The following CLASP1 variants were observed in gnomAD, a reference collection of about 807,000 sequenced individuals.
CLASP1 encodes CLIP-associating protein 1.
CLASP1 carries 38 observed loss-of-function variants against 192.3 expected under a neutral mutation model. The ratio of observed to expected loss-of-function variants is 0.20; its 90% CI spans 0.15 to 0.26. The LOEUF (loss-of-function observed/expected upper bound fraction) is 0.26, where lower values mean the gene tolerates loss of function less well. Among genes scored for constraint, CLASP1 ranks in the 10% least tolerant of loss-of-function variants. The pLI is 1.00. For synonymous variants in CLASP1, 691 were observed against 712.8 expected, an observed-to-expected ratio of 0.97 and a Z score of 0.49; for missense variants, 1,433 against 1,932.5, an observed-to-expected ratio of 0.74 and a Z score of 4.85.
At chr2:121,644,170 A>T (rs1483988476) in intron 1 of CLASP1, among the ~76,000 whole-genome samples, 1 of 152,174 alleles carries the variant, frequency 6.6e-6, no homozygotes, top group South Asian at 2.1e-4. Flanking sequence ...AGATGAAGAC[A>T]CTAAAATATT....
chr2:121,639,863 CAAAA>C (rs34338582), intron 1 of CLASP1, among the ~76,000 whole-genome samples: 1 of 62,398 alleles, frequency 1.6e-5, no homozygotes, highest in African/African-American at 5.2e-5. Context: ...AACTCCATCT[CAAAA>C]AAAAAAAAAA....
rs1232420512 is a variant in CLASP1, at chr2:121,397,067, A to G, written c.3123+73T>C. The G allele has an allele frequency of 5.3e-6, 8 of 1,523,356 alleles. No homozygotes were observed. In the African/African-American group the frequency reaches 9.6e-5, roughly 18 times the overall value. The allele number at this position is 1,523,356 out of a possible 1,614,324, so 94.4% of individuals were successfully genotyped here. Reference sequence around the variant, plus strand: ...TTGTGGGTGGGTGGCACGGTTTTCAAGTTTCTAAATACATTTCTCTAACAC... The same window carrying G: ...TTGTGGGTGGGTGGCACGGTTTTCAGGTTTCTAAATACATTTCTCTAACAC... On this transcript the variant is annotated intron_variant, in intron 30 of 39. Transcript: ENST00000263710.
intron 1 of CLASP1, among the ~76,000 whole-genome samples, chr2:121,610,957 G>A (rs2065309748): frequency 1.3e-5 from 2 of 148,982 alleles, no homozygotes; most frequent in Non-Finnish European, 1.5e-5. Context: ...GGAACTGGAG[G>A]AGGAGGAGGA....
intron 2 of CLASP1, among the ~76,000 whole-genome samples, chr2:121,536,922 T>C (rs903260380): frequency 6.6e-6 from 1 of 152,246 alleles, no homozygotes; most frequent in Admixed American, 6.5e-5. Flanking sequence ...CAAAACTAGT[T>C]ACATGGTGAA....
chr2:121,342,567 A>C (rs1456483658), intron 39 of CLASP1, among the ~76,000 whole-genome samples: 1 of 152,242 alleles, frequency 6.6e-6, no homozygotes, highest in Non-Finnish European at 1.5e-5. Flanking sequence ...ATCTTAAGGA[A>C]CTAGAAAAAA....
intron 5 of CLASP1, 140 bp from the exon 6 acceptor site, chr2:121,526,060 A>G: frequency 4.6e-6 from 3 of 648,052 alleles, no homozygotes; most frequent in East Asian, 5.4e-5. Context: ...TCCCATCCAC[A>G]CTGGCTCCAA....
intron 1 of CLASP1, among the ~76,000 whole-genome samples, chr2:121,628,645 G>A (rs1016155281): frequency 6.7e-6 from 1 of 149,856 alleles, no homozygotes; most frequent in African/African-American, 2.5e-5. Flanking sequence ...CTGCACTCCA[G>A]CCTGGGTGAC....
chr2:121,541,032 A>G (rs2095222467), intron 2 of CLASP1, among the ~76,000 whole-genome samples: 2 of 152,212 alleles, frequency 1.3e-5, no homozygotes, highest in African/African-American at 2.4e-5. Context: ...CACACTTCAC[A>G]GTTTTAAGTT....
intron 2 of CLASP1, among the ~76,000 whole-genome samples, chr2:121,538,265 A>G (rs1182210662): frequency 6.6e-6 from 1 of 151,738 alleles, no homozygotes; most frequent in Non-Finnish European, 1.5e-5. Flanking sequence ...ATACAAAATT[A>G]GCCGGGCGTG....
intron 37 of CLASP1, among the ~76,000 whole-genome samples, chr2:121,354,645 A>G (rs1275885229): frequency 6.7e-6 from 1 of 148,610 alleles, no homozygotes; most frequent in Non-Finnish European, 1.5e-5. Flanking sequence ...CTGAAAGCTA[A>G]GGAACTTTTA....
At chr2:121,525,741 T>C (rs2094559607) in intron 6 of CLASP1, 104 bp downstream of exon 6, 1 of 726,996 alleles carries the variant, frequency 1.4e-6, no homozygotes, top group South Asian at 1.6e-5. Flanking sequence ...TCATCAGTGT[T>C]CTGTGAAGAT....
Position 121,427,358 on chromosome 2 carries a change from C to CCAA in CLASP1, c.2044+43_2044+45dup, listed in dbSNP as rs201487859. 182 of 1,600,416 alleles carry CCAA rather than the reference C, an allele frequency of 1.1e-4. No individual in the cohort carries two copies. In the South Asian group the frequency reaches 1.2e-3, roughly 11 times the overall value. On this transcript the variant is annotated intron_variant, in intron 21 of 39. Coordinates refer to ENST00000263710, the Ensembl canonical transcript of CLASP1. ...AAGGAACATGGGGTCGGGGAGAATG[C>CCAA]CAACAACAACAACAACAAAAAAAGG...
intron 37 of CLASP1, among the ~76,000 whole-genome samples, chr2:121,357,068 C>G (rs1186132706): frequency 2.4e-4 from 36 of 152,196 alleles, no homozygotes; most frequent in Admixed American, 2.4e-3. Context: ...TCTAAAAACC[C>G]ATGGCATTTC....
intron 28 of CLASP1, 59 bp downstream of exon 29, chr2:121,401,449 CA>C: frequency 7.2e-7 from 1 of 1,398,528 alleles, no homozygotes; most frequent in Non-Finnish European, 9.8e-7. Context: ...AAGAGAATGG[CA>C]AAAAGTCACT....
At position 121,551,188 on chromosome 2, in the gene CLASP1, T is replaced by C. The variant is rs2058008274; in HGVS notation, c.196-20863A>G. 2.6e-5 allele frequency among the ~76,000 whole-genome samples: 4 copies of C among 152,242 alleles called. No individual in the cohort carries two copies. In the South Asian group the frequency reaches 8.3e-4, roughly 32 times the overall value. ...AAACACCCCTTCATGTTATTAGGTA[T>C]TGAAGGAACATACTTCGAAGTAACA... On this transcript the variant is annotated intron_variant, in intron 2 of 39. Transcript: ENST00000263710.
chr2:121,432,562 C>T (rs1479968736), intron 19 of CLASP1, among the ~76,000 whole-genome samples: 1 of 152,174 alleles, frequency 6.6e-6, no homozygotes, highest in Non-Finnish European at 1.5e-5. Flanking sequence ...TTATGTGAAA[C>T]TCTGGGTTAA....
intron 2 of CLASP1, among the ~76,000 whole-genome samples, chr2:121,550,972 A>C (rs1037120462): frequency 2.0e-5 from 3 of 152,226 alleles, no homozygotes; most frequent in African/African-American, 7.2e-5. Flanking sequence ...AATCTTCAAC[A>C]AAATACTTGC....
At chr2:121,452,904 T>C (rs1441680539) in intron 14 of CLASP1, among the ~76,000 whole-genome samples, 1 of 152,228 alleles carries the variant, frequency 6.6e-6, no homozygotes, top group African/African-American at 2.4e-5. Context: ...AACGCACAAA[T>C]CAGAAGTAAA....
rs182300002 is a variant in CLASP1, at chr2:121,475,621, C to T, written c.713-5661G>A. ...TCTTTAGGCTTTTCTGCTAAGCATA[C>T]GTCTGGTAGTATCTAACCTCTTTTT... On this transcript the variant is annotated intron_variant, in intron 8 of 39. Coordinates refer to ENST00000263710, the Ensembl canonical transcript of CLASP1. Among the ~76,000 whole-genome samples the T allele has an allele frequency of 3.7e-4, 56 of 152,332 alleles. 1 individual carries two copies. Among genetic ancestry groups the T allele is most frequent in the Admixed American group, 5.2e-4 (8 of 15,300 alleles).
Sources: gnomAD v4.1 joint callset for allele counts (sites outside exome capture counted in the v4.1 genomes callset) on GRCh38, gnomAD v4.1.1 for gene constraint, MANE v1.5 for transcripts, NCBI Gene and HGNC (gene_info 2026-07-23, HGNC 2026-07-21) for gene names.